Variants in SLC2A14 observed in about 807,000 individuals in gnomAD.
The protein encoded by SLC2A14 is solute carrier family 2 member 14.
In SLC2A14, 13 loss-of-function variants were observed where a neutral mutation model predicts 43.0. That is an observed-to-expected ratio of 0.30 (90% CI 0.20 to 0.48). The LOEUF is 0.48. Ranked by LOEUF, SLC2A14 falls within the 20% of genes least tolerant of loss-of-function variation. The probability of loss-of-function intolerance (pLI) is 0.99; values close to 1 mark genes in which losing one functional copy is unlikely to be tolerated. For synonymous variants in SLC2A14, 190 were observed against 233.8 expected, an observed-to-expected ratio of 0.81 and a Z score of 1.71; for missense variants, 428 against 620.4, an observed-to-expected ratio of 0.69 and a Z score of 3.29.
chr12:7,843,380 C>T (rs544053597), intron 2 of SLC2A14, among the ~76,000 whole-genome samples: 279 of 142,210 alleles, frequency 2.0e-3, no homozygotes, highest in South Asian at 3.6e-3. Flanking sequence ...CCTGAGAATG[C>T]GGCTGTAAAG....
chr12:7,878,366 C>A (rs1945500465), upstream of SLC2A14, among the ~76,000 whole-genome samples: 1 of 151,878 alleles, frequency 6.6e-6, no homozygotes, highest in South Asian at 2.1e-4. Context: ...TCAAGTGATT[C>A]TCCTGCCTCA....
chr12:7,882,833 CAA>C (rs1281800722), intron 1 of SLC2A14, among the ~76,000 whole-genome samples: 38 of 151,138 alleles, frequency 2.5e-4, no homozygotes, highest in Admixed American at 2.2e-3. Context: ...GAGGCTGTCT[CAA>C]AAAAATTTGC....
At chr12:7,852,671 G>T (rs975897422) in intron 2 of SLC2A14, among the ~76,000 whole-genome samples, 2 of 152,178 alleles carry the variant, frequency 1.3e-5, no homozygotes, top group African/African-American at 4.8e-5. Flanking sequence ...TCCCTTTCTT[G>T]TAATCATGAC....
At chr12:7,844,024 A>G (rs1866239287) in intron 2 of SLC2A14, among the ~76,000 whole-genome samples, 1 of 152,012 alleles carries the variant, frequency 6.6e-6, no homozygotes, top group South Asian at 2.1e-4. Flanking sequence ...ATAAAAATGC[A>G]CTAATCTGGA....
chr12:7,856,484 T>C (rs1867392905), intron 2 of SLC2A14: 1 of 152,188 alleles, frequency 6.6e-6, no homozygotes, highest in Middle Eastern at 3.2e-3. Flanking sequence ...AACTAATGTG[T>C]GTGGTTTGCT....
At chr12:7,849,628 C>T (rs972505814) in intron 2 of SLC2A14, among the ~76,000 whole-genome samples, 8 of 150,890 alleles carry the variant, frequency 5.3e-5, no homozygotes, top group Admixed American at 3.3e-4. Context: ...GGGCTGGGTG[C>T]AGTGGCTCAT....
intron 10 of SLC2A14, among the ~76,000 whole-genome samples, chr12:7,816,801 G>A (rs771001770): frequency 6.6e-6 from 1 of 151,838 alleles, no homozygotes; most frequent in South Asian, 2.1e-4. Flanking sequence ...TCCACCTCCT[G>A]GTTTCAAGCG....
At chr12:7,827,270 CTT>C (rs71038780) in intron 7 of SLC2A14, among the ~76,000 whole-genome samples, 84 of 99,218 alleles carry the variant, frequency 8.5e-4, no homozygotes, top group Middle Eastern at 0.015. Context: ...TAATTTTTGT[CTT>C]TTTTTTTTTT....
exon 1 of SLC2A14, chr12:7,891,102 A>T: frequency 6.5e-7 from 1 of 1,534,462 alleles, no homozygotes; most frequent in Non-Finnish European, 8.7e-7. Flanking sequence ...GAGTACTTCT[A>T]CTCTCAACAG....
Position 7,826,895 on chromosome 12 carries a change from TTCTTTCTTTCTTTC to T in SLC2A14, c.864+586_864+599del, listed in dbSNP as rs1440450584. 3.5e-3 allele frequency among the ~76,000 whole-genome samples: 275 copies of T among 78,354 alleles called. 11 individuals are homozygous for T. Among genetic ancestry groups the T allele is most frequent in the African/African-American group, 0.015 (257 of 16,610 alleles). The allele number at this position is 78,354 out of a possible 152,430, so 51.4% of individuals were successfully genotyped here. On this transcript the variant is annotated intron_variant, in intron 7 of 10. Coordinates refer to ENST00000431042, the MANE Select transcript of SLC2A14 (RefSeq NM_001286234.2). The stretch of plus-strand genomic sequence containing the variant: ...TTTCTTTCTTTCTTTCTTTCTTTCT[TTCTTTCTTTCTTTC>T]TTTCTTTTTCCTTTTTCTTTCCTTT...
At chr12:7,875,023 A>T (rs1388800972), upstream of SLC2A14, among the ~76,000 whole-genome samples, 51 of 114,540 alleles carry the variant, frequency 4.5e-4, 4 homozygotes, top group South Asian at 9.6e-4. Context: ...AAAATTATAT[A>T]TAAATACATA....
At chr12:7,880,929 CAA>C (rs1945558937) in intron 1 of SLC2A14, among the ~76,000 whole-genome samples, 1 of 152,056 alleles carries the variant, frequency 6.6e-6, no homozygotes, top group African/African-American at 2.4e-5. Context: ...CATCTGAGGT[CAA>C]GAGTTCGAGA....
intron 1 of SLC2A14, among the ~76,000 whole-genome samples, chr12:7,884,050 A>G (rs1945645268): frequency 6.6e-6 from 1 of 151,786 alleles, no homozygotes; most frequent in African/African-American, 2.4e-5. Context: ...CAGCCTCCCA[A>G]GTAGCTGGGA....
intron 1 of SLC2A14, among the ~76,000 whole-genome samples, chr12:7,881,523 GC>G (rs2121107564): frequency 6.6e-6 from 1 of 152,286 alleles, no homozygotes; most frequent in East Asian, 1.9e-4. Flanking sequence ...TTCCCATGGG[GC>G]AGGGCTCAGG....
chr12:7,848,556 ATT>A (rs35632480), intron 2 of SLC2A14, among the ~76,000 whole-genome samples: 259 of 135,690 alleles, frequency 1.9e-3, no homozygotes, highest in Middle Eastern at 3.7e-3. Context: ...TTCCAATTCC[ATT>A]TTTTTTTTTT....
intron 10 of SLC2A14, among the ~76,000 whole-genome samples, chr12:7,816,164 G>T (rs1425777521): frequency 1.7e-5 from 1 of 59,044 alleles, no homozygotes; most frequent in Non-Finnish European, 3.4e-5. Context: ...GACTGCAGTG[G>T]CGCAATCTCG....
At chr12:7,824,443 A>C (rs1320161047) in intron 7 of SLC2A14, among the ~76,000 whole-genome samples, 1 of 151,780 alleles carries the variant, frequency 6.6e-6, no homozygotes, top group African/African-American at 2.4e-5. Flanking sequence ...ATCTCAATAA[A>C]ACTTCTTGGG....
chr12:7,840,132 C>A (rs912174336), intron 2 of SLC2A14, among the ~76,000 whole-genome samples: 2 of 109,866 alleles, frequency 1.8e-5, no homozygotes, highest in Non-Finnish European at 3.6e-5. Flanking sequence ...AAAAAAAGTG[C>A]GGTGGGGGGA....
At chr12:7,839,494 A>G (rs1342130329) in intron 2 of SLC2A14, among the ~76,000 whole-genome samples, 1 of 152,162 alleles carries the variant, frequency 6.6e-6, no homozygotes, top group Non-Finnish European at 1.5e-5. Context: ...GCAGTCATGA[A>G]CGTTCTGGTT....
Sources: gnomAD v4.1 joint callset for allele counts (sites outside exome capture counted in the v4.1 genomes callset) on GRCh38, gnomAD v4.1.1 for gene constraint, MANE v1.5 for transcripts, NCBI Gene and HGNC (gene_info 2026-07-23, HGNC 2026-07-21) for gene names.